Variants in CNGB3 observed in about 807,000 individuals in gnomAD.
CNGB3 encodes the protein cyclic nucleotide gated channel subunit beta 3.
Under a neutral mutation model 92.8 loss-of-function variants are expected in CNGB3, and 86 were observed. That is an observed-to-expected ratio of 0.93 (90% CI 0.78 to 1.11). CNGB3 has a LOEUF of 1.11. Ranked by LOEUF, CNGB3 falls within the 50% of genes least tolerant of loss-of-function variation. The pLI, the probability that CNGB3 is intolerant of heterozygous loss-of-function variation, is 0.00. For synonymous variants in CNGB3, 333 were observed against 332.7 expected (o/e 1.00, Z -0.01); for missense variants, 1,026 against 956.8 (o/e 1.07, Z -0.95).
intron 3 of CNGB3, among the ~76,000 whole-genome samples, chr8:86,719,018 C>A (rs560871559): frequency 6.6e-6 from 1 of 151,776 alleles, no homozygotes; most frequent in South Asian, 2.1e-4. Flanking sequence ...AAGGTACATA[C>A]CTTAAGGTAA....
chr8:86,653,324 G>A (rs866823035), intron 7 of CNGB3, among the ~76,000 whole-genome samples: 21 of 151,484 alleles, frequency 1.4e-4, no homozygotes, highest in African/African-American at 3.9e-4. Flanking sequence ...AAAATTAGTC[G>A]GAGATTAAAA....
intron 3 of CNGB3, among the ~76,000 whole-genome samples, chr8:86,673,496 C>G (rs1332144586): frequency 6.6e-6 from 1 of 151,956 alleles, no homozygotes; most frequent in South Asian, 2.1e-4. Context: ...TGAGTGAAGT[C>G]AGGTTATGAT....
intron 3 of CNGB3, among the ~76,000 whole-genome samples, chr8:86,674,362 T>C (rs1337766386): frequency 6.6e-6 from 1 of 152,244 alleles, no homozygotes; most frequent in African/African-American, 2.4e-5. Flanking sequence ...AATACATATC[T>C]ATATTTTAAC....
chr8:86,718,764 A>C (rs1824910993), intron 3 of CNGB3, among the ~76,000 whole-genome samples: 1 of 151,872 alleles, frequency 6.6e-6, no homozygotes, highest in African/African-American at 2.4e-5. Flanking sequence ...ATATGCAACA[A>C]TCCTTAACAA....
At chr8:86,604,873 C>A (rs1323857711) in intron 14 of CNGB3, among the ~76,000 whole-genome samples, 1 of 152,132 alleles carries the variant, frequency 6.6e-6, no homozygotes, top group Non-Finnish European at 1.5e-5. Flanking sequence ...GCCAGTATAG[C>A]AGGATGTATC....
intron 5 of CNGB3, 102 bp from the exon 6 acceptor site, chr8:86,667,235 T>C (rs3735966): frequency 0.076 from 72,688 of 951,276 alleles, 3,619 homozygotes; most frequent in African/African-American, 0.2. Context: ...CTCTACAGAG[T>C]AATTTGCCAT....
chr8:86,659,278 A>C (rs1211912780), intron 6 of CNGB3: 2 of 864,382 alleles, frequency 2.3e-6, no homozygotes, highest in South Asian at 2.7e-5. Context: ...TGTTTCAGCA[A>C]CTCCATAACC....
At chr8:86,686,305 G>T (rs1216347945) in intron 3 of CNGB3, among the ~76,000 whole-genome samples, 1 of 151,764 alleles carries the variant, frequency 6.6e-6, no homozygotes, top group Non-Finnish European at 1.5e-5. Flanking sequence ...ATATGGGCAT[G>T]GTTAATGGAG....
chr8:86,595,801 G>T (rs187796616), intron 15 of CNGB3, among the ~76,000 whole-genome samples: 143 of 152,220 alleles, frequency 9.4e-4, no homozygotes, highest in African/African-American at 3.3e-3. Flanking sequence ...TTTAAAAACT[G>T]AGTATTCAGA....
intron 3 of CNGB3, among the ~76,000 whole-genome samples, chr8:86,694,127 T>C (rs1586020831): frequency 3.4e-5 from 4 of 117,074 alleles, no homozygotes; most frequent in Non-Finnish European, 3.5e-5. Flanking sequence ...GGCGGGGGGC[T>C]GACCCCCCCA....
At chr8:86,652,386 T>G (rs907688551) in intron 7 of CNGB3, among the ~76,000 whole-genome samples, 5 of 151,940 alleles carry the variant, frequency 3.3e-5, no homozygotes, top group South Asian at 2.1e-4. Context: ...TACACTAAAT[T>G]TATTTAACAA....
intron 3 of CNGB3, among the ~76,000 whole-genome samples, chr8:86,673,901 C>A (rs956030853): frequency 1.3e-5 from 2 of 152,114 alleles, no homozygotes; most frequent in Non-Finnish European, 2.9e-5. Context: ...ACAATAAGAA[C>A]TTGGGGTTCA....
chr8:86,607,479 C>A (rs1822432843), intron 14 of CNGB3, among the ~76,000 whole-genome samples: 1 of 152,124 alleles, frequency 6.6e-6, no homozygotes, highest in African/African-American at 2.4e-5. Context: ...CTCATGAGGG[C>A]TTTATGACAC....
intron 3 of CNGB3, among the ~76,000 whole-genome samples, chr8:86,695,223 T>A (rs1268003204): frequency 2.6e-5 from 4 of 151,522 alleles, no homozygotes; most frequent in Non-Finnish European, 5.9e-5. Context: ...GGCAGGGAGG[T>A]TGCAGTGAGC....
intron 3 of CNGB3, among the ~76,000 whole-genome samples, chr8:86,715,148 C>A (rs1181936128): frequency 6.6e-6 from 1 of 152,074 alleles, no homozygotes; most frequent in Non-Finnish European, 1.5e-5. Flanking sequence ...ACCAGGCAAC[C>A]CTAGGGCAAG....
intron 13 of CNGB3, among the ~76,000 whole-genome samples, chr8:86,624,360 A>C (rs1403681492): frequency 6.6e-6 from 1 of 152,194 alleles, no homozygotes; most frequent in African/African-American, 2.4e-5. Flanking sequence ...CAGAGGTTGC[A>C]GTGGGCTGGG....
At chr8:86,691,491 C>G (rs1489557870) in intron 3 of CNGB3, among the ~76,000 whole-genome samples, 1 of 152,052 alleles carries the variant, frequency 6.6e-6, no homozygotes. Context: ...CCATTCAGTA[C>G]TATGTTGGCT....
chr8:86,604,126 G>T lies in CNGB3; in HGVS notation c.1748C>A (p.Thr583Asn), dbSNP rs1219028133. 1 of 1,613,198 alleles carries T rather than the reference G, an allele frequency of 6.2e-7. No individual in the cohort carries two copies. The highest frequency in any genetic ancestry group is 1.1e-5 in the South Asian group (1 of 91,062). ...GGPDGTKVLVTLKAGSVFGEI... is the reference protein window; with the variant it reads ...GGPDGTKVLVNLKAGSVFGEI... ...TCCAAACACCGACCCAGCTTTCAGA[G>T]TAACCAGAACTTTAGTACCATCAGG... The change falls in exon 15 of 18, where the codon ACT becomes AAT. Residue 583 changes from threonine to asparagine, a missense_variant. By Grantham distance (65) the Thr-to-Asn change is moderately conservative (BLOSUM62 0). Coordinates refer to ENST00000320005, the MANE Select transcript of CNGB3 (RefSeq NM_019098.5).
At chr8:86,658,916 C>T (rs1263285960) in intron 6 of CNGB3, 25 of 959,044 alleles carry the variant, frequency 2.6e-5, no homozygotes, top group Non-Finnish European at 3.6e-5. Flanking sequence ...GCTCTAGCTC[C>T]AGCAGCCTCT....
Sources: allele counts gnomAD v4.1 joint callset (sites outside exome capture counted in the v4.1 genomes callset), GRCh38; gene constraint gnomAD v4.1.1; transcripts MANE v1.5; gene names NCBI Gene and HGNC (gene_info 2026-07-23, HGNC 2026-07-21).